Variants in CC2D2A observed in about 807,000 individuals in gnomAD.
The protein encoded by CC2D2A is coiled-coil and C2 domain containing 2A, also known as coiled-coil and C2 domain-containing protein 2A.
In CC2D2A, 155 loss-of-function variants were observed where a neutral mutation model predicts 212.9. That is an observed-to-expected ratio of 0.73 (90% CI 0.64 to 0.83). The LOEUF is 0.83. CC2D2A is among the 40% of genes least tolerant of loss of function. CC2D2A has a pLI of 0.00. For synonymous variants in CC2D2A, 667 were observed against 686.5 expected (o/e 0.97, Z 0.44); for missense variants, 1,856 against 1,956.2 (o/e 0.95, Z 0.97).
chr4:15,480,710 A>G lies in CC2D2A; in HGVS notation c.130A>G (p.Thr44Ala), dbSNP rs1195835630. ...TCTGACCTTCTTCCTCCAGCCACCA[A>G]CTGCTGTCCCCAAGGAAATGGTGTC... ...RRQPRKKQPP[T>A]AVPKEMVSEK... The change falls in exon 4 of 37, where the codon ACT (threonine) becomes GCT (alanine). Residue 44 changes from threonine to alanine, a missense_variant. By Grantham distance (58) the Thr-to-Ala change is moderately conservative. This residue lies in a region of CC2D2A where 1,512 missense variants were observed against 1,579.3 expected (regional missense o/e 0.96). Coordinates refer to ENST00000424120, the MANE Select transcript of CC2D2A (RefSeq NM_001378615.1). 6.2e-7 allele frequency: 1 copy of G among 1,610,070 alleles called. No homozygotes were observed. The highest frequency in any genetic ancestry group is 8.5e-7 in the Non-Finnish European group (1 of 1,178,420).
At chr4:15,481,939 C>A (rs1173976610) in intron 4 of CC2D2A, 6 of 985,326 alleles carry the variant, frequency 6.1e-6, no homozygotes, top group Non-Finnish European at 7.2e-6. Context: ...GACACATATA[C>A]TTCTCCCCCT....
intron 4 of CC2D2A, among the ~76,000 whole-genome samples, chr4:15,494,698 AC>A (rs889902026): frequency 6.6e-6 from 1 of 152,166 alleles, no homozygotes; most frequent in African/African-American, 2.4e-5. Context: ...TGTCCTATGT[AC>A]CCATAGCATT....
At chr4:15,497,241 A>G (rs1031780561) in intron 4 of CC2D2A, among the ~76,000 whole-genome samples, 1 of 152,160 alleles carries the variant, frequency 6.6e-6, no homozygotes, top group Non-Finnish European at 1.5e-5. Flanking sequence ...CAGGTTAGAG[A>G]GCCCAGAAAT....
At position 15,471,537 on chromosome 4, in the gene CC2D2A, G is replaced by A; in HGVS notation, c.-19+1480G>A. Reference sequence around the variant, plus strand: ...CCTACCAATATTGAGAGCCCAGCCTGTGCTAGGCATTTTACTACACACATT... The same window carrying A: ...CCTACCAATATTGAGAGCCCAGCCTATGCTAGGCATTTTACTACACACATT... On this transcript the variant is annotated intron_variant, in intron 1 of 36. Transcript: ENST00000424120. 1.3e-5 allele frequency among the ~76,000 whole-genome samples: 2 copies of A among 151,712 alleles called. 1 individual carries two copies. The highest frequency in any genetic ancestry group is 2.9e-5 in the Non-Finnish European group (2 of 67,974).
Position 15,586,161 on chromosome 4 carries a change from T to C in CC2D2A, c.3980T>C (p.Leu1327Pro), listed in dbSNP as rs759274548. ...YPNNLQATAE[L>P]VARYVSLIPF... ...AAGCTCATTTTGATTATACAGGAACTGGTGGCTCGATATGTGTCCTTGATT... is the reference window on the plus strand; with the variant it reads ...AAGCTCATTTTGATTATACAGGAACCGGTGGCTCGATATGTGTCCTTGATT... Residue 1327 changes from leucine to proline, a missense_variant, in exon 31 of 37, where the codon CTG (leucine) becomes CCG (proline). By Grantham distance (98) the Leu-to-Pro change is moderately conservative. Coordinates refer to ENST00000424120, the MANE Select transcript of CC2D2A (RefSeq NM_001378615.1). 2 of 1,609,732 alleles carry C rather than the reference T, an allele frequency of 1.2e-6. No individual in the cohort carries two copies. Among genetic ancestry groups the C allele is most frequent in the South Asian group, 2.2e-5 (2 of 90,708 alleles).
Position 15,550,864 on chromosome 4 carries a change from C to G in CC2D2A, c.2222C>G (p.Ala741Gly), listed in dbSNP as rs1408336664. ...GGACACAGTAGTCCCACCTTGCTAG[C>G]AGAAGTGTTTCTGCCTATTCCTGAG... ...TVGHSSPTLL[A>G]EVFLPIPETT... Residue 741 changes from alanine to glycine, a missense_variant, in exon 18 of 37, where the codon GCA (alanine) becomes GGA (glycine). Physicochemically the swap from Ala to Gly is moderately conservative, Grantham distance 60. This residue lies in a region of CC2D2A where 1,512 missense variants were observed against 1,579.3 expected (regional missense o/e 0.96). Coordinates refer to ENST00000424120, the MANE Select transcript of CC2D2A (RefSeq NM_001378615.1). 6.3e-7 allele frequency: 1 copy of G among 1,597,704 alleles called. No homozygotes were observed. Among genetic ancestry groups the G allele is most frequent in the Admixed American group, 1.7e-5 (1 of 59,764 alleles).
At position 15,563,517 on chromosome 4, in the gene CC2D2A, AG is replaced by A; in HGVS notation, c.3178del (p.Val1060Ter). On this transcript the variant is annotated frameshift_variant, in exon 24 of 37. Transcript: ENST00000424120. LOFTEE classifies it high-confidence loss of function. Reference sequence around the variant, plus strand: ...ACGACATTCCAGTGAGGAAGCCGGCAGTGAGGTGAGAGCCCTCCCAACAGCC... The same window carrying A: ...ACGACATTCCAGTGAGGAAGCCGGCATGAGGTGAGAGCCCTCCCAACAGCC... Reference protein sequence around the residue: ...AYDIPVRKPAVSKFQQPSRSS... With the variant: ...AYDIPVRKPAXSKFQQPSRSS... The A allele has an allele frequency of 6.2e-7, 1 of 1,611,494 alleles. No individual in the cohort carries two copies. The highest frequency in any genetic ancestry group is 1.1e-5 in the South Asian group (1 of 90,332).
chr4:15,529,923 A>G (rs1472489173), intron 13 of CC2D2A, among the ~76,000 whole-genome samples: 6 of 148,594 alleles, frequency 4.0e-5, no homozygotes, highest in Non-Finnish European at 8.9e-5. Context: ...ATTAAGTTTT[A>G]GGGTACATGT....
At chr4:15,561,219 G>A (rs1203056409) in intron 23 of CC2D2A, among the ~76,000 whole-genome samples, 1 of 152,222 alleles carries the variant, frequency 6.6e-6, no homozygotes, top group Non-Finnish European at 1.5e-5. Flanking sequence ...TCAACTAGGG[G>A]TGTGGATATA....
At position 15,570,475 on chromosome 4, in the gene CC2D2A, C is replaced by T; in HGVS notation, c.3573C>T (p.Ser1191=). ...HWLGCVKMPF[S]TIYFQARIDG... ...TGGGATGTGTGAAAATGCCATTTAG[C>T]ACAATATATTTCCAAGCAAGGGTAA... Residue 1191 remains serine, a synonymous_variant, in exon 28 of 37, where the codon AGC becomes AGT. Transcript: ENST00000424120. 2.5e-6 allele frequency: 4 copies of T among 1,603,850 alleles called. No homozygotes were observed. The highest frequency in any genetic ancestry group is 1.1e-5 in the South Asian group (1 of 89,390).
chr4:15,555,421 T>C (rs1719227296), intron 20 of CC2D2A, among the ~76,000 whole-genome samples: 1 of 152,080 alleles, frequency 6.6e-6, no homozygotes, highest in Admixed American at 6.6e-5. Flanking sequence ...AGCGGGGTCA[T>C]GAGGAAATGA....
At chr4:15,536,527 T>C (rs1718137456) in intron 14 of CC2D2A, among the ~76,000 whole-genome samples, 1 of 152,070 alleles carries the variant, frequency 6.6e-6, no homozygotes, top group African/African-American at 2.4e-5. Context: ...AATGAAGCAG[T>C]TCCTCAGAGA....
Position 15,540,902 on chromosome 4 carries a change from A to G in CC2D2A, c.2069A>G (p.Asn690Ser). 3 of 1,590,612 alleles carry G rather than the reference A, an allele frequency of 1.9e-6. No homozygotes were observed. The highest frequency in any genetic ancestry group is 2.6e-6 in the Non-Finnish European group (3 of 1,168,236). ...RSVYLKVLFN[N>S]KEVSRTVSRP... ...GTGTACTTAAAAGTGCTGTTCAACA[A>G]CAAGGAGGTGTCCAGGACAGTCAGT... Residue 690 changes from asparagine (N) to serine (S), a missense_variant, in exon 17 of 37, where the codon AAC becomes AGC. Asn to Ser is a conservative substitution (Grantham distance 46). Transcript: ENST00000424120.
intron 2 of CC2D2A, among the ~76,000 whole-genome samples, chr4:15,476,941 A>G (rs1714255555): frequency 6.6e-6 from 1 of 152,184 alleles, no homozygotes; most frequent in Non-Finnish European, 1.5e-5. Flanking sequence ...AATGGAGATG[A>G]TATGTGCTGT....
chr4:15,525,574 T>A (rs1266229353), intron 11 of CC2D2A, among the ~76,000 whole-genome samples: 1 of 152,136 alleles, frequency 6.6e-6, no homozygotes, highest in Non-Finnish European at 1.5e-5. Context: ...GGGATATTAA[T>A]GACCAGATCT....
intron 29 of CC2D2A, among the ~76,000 whole-genome samples, chr4:15,579,587 C>T (rs1720564056): frequency 1.3e-5 from 2 of 152,046 alleles, no homozygotes; most frequent in South Asian, 2.1e-4. Context: ...TTTCTGGGGC[C>T]GCCCCCCAGC....
intron 15 of CC2D2A, among the ~76,000 whole-genome samples, 162 bp from the exon 16 acceptor site, chr4:15,537,737 G>A (rs894571587): frequency 3.3e-5 from 5 of 152,090 alleles, no homozygotes; most frequent in African/African-American, 1.2e-4. Context: ...TGAAAAAACT[G>A]AGGCACAGAG....
chr4:15,582,872 C>T (rs1004351858), intron 30 of CC2D2A, among the ~76,000 whole-genome samples: 15 of 152,044 alleles, frequency 9.9e-5, no homozygotes, highest in African/African-American at 3.6e-4. Flanking sequence ...GATACCAAAA[C>T]CAAAGGCATA....
intron 1 of CC2D2A, among the ~76,000 whole-genome samples, chr4:15,470,664 T>TCC: frequency 3.0e-5 from 2 of 65,766 alleles, no homozygotes; most frequent in Non-Finnish European, 2.7e-5. Context: ...TCTCTCTCTC[T>TCC]CTCTCTCTCT....
Sources: gnomAD v4.1 joint callset for allele counts (sites outside exome capture counted in the v4.1 genomes callset) on GRCh38, gnomAD v4.1.1 for gene constraint, gnomAD v4.1.1 regional missense constraint, MANE v1.5 for transcripts, NCBI Gene and HGNC (gene_info 2026-07-23, HGNC 2026-07-21) for gene names.